Variants in HPSE2 observed in about 807,000 individuals in gnomAD.
The protein encoded by HPSE2 is heparanase 2 (inactive), also known as inactive heparanase-2.
A neutral mutation model predicts 60.5 loss-of-function variants in HPSE2; 38 were observed. The ratio of observed to expected loss-of-function variants is 0.63; its 90% CI spans 0.48 to 0.82. The LOEUF is 0.82. Ranked by LOEUF, HPSE2 falls within the 40% of genes least tolerant of loss-of-function variation. HPSE2 has a pLI of 0.00. For missense variants in HPSE2, 713 were observed against 740.4 expected (o/e 0.96, Z 0.43); for synonymous variants, 295 against 293.2 (o/e 1.01, Z -0.06).
intron 9 of HPSE2, among the ~76,000 whole-genome samples, chr10:98,585,492 A>G (rs11189696): frequency 0.56 from 83,521 of 150,220 alleles, 23,332 homozygotes; most frequent in Admixed American, 0.6. Flanking sequence ...GGATGGTCTC[A>G]ATCTCTTGAC....
At chr10:98,461,160 T>A (rs147124655) in intron 11 of HPSE2, among the ~76,000 whole-genome samples, 13 of 152,384 alleles carry the variant, frequency 8.5e-5, no homozygotes, top group African/African-American at 3.1e-4. Context: ...TAGAGAGAGA[T>A]AATCAGACCC....
chr10:98,528,173 A>C (rs369915472), intron 9 of HPSE2, among the ~76,000 whole-genome samples: 1 of 152,138 alleles, frequency 6.6e-6, no homozygotes, highest in East Asian at 1.9e-4. Flanking sequence ...TCTGTCTTCT[A>C]GATCCCGAAT....
At chr10:98,778,282 G>GAGAGAGAGAGAGAGAA (rs1950389095) in intron 3 of HPSE2, among the ~76,000 whole-genome samples, 1 of 151,142 alleles carries the variant, frequency 6.6e-6, no homozygotes, top group African/African-American at 2.4e-5. Context: ...GAGAGAGAGA[G>GAGAGAGAGAGAGAGAA]AGAGAGAGAG....
At chr10:98,947,109 C>T (rs1427558471) in intron 3 of HPSE2, among the ~76,000 whole-genome samples, 1 of 152,012 alleles carries the variant, frequency 6.6e-6, no homozygotes, top group Non-Finnish European at 1.5e-5. Flanking sequence ...TTGAGGTTTG[C>T]AGCTGTGATG....
At chr10:98,761,487 C>G in intron 3 of HPSE2, among the ~76,000 whole-genome samples, 1 of 152,030 alleles carries the variant, frequency 6.6e-6, no homozygotes, top group Non-Finnish European at 1.5e-5. Flanking sequence ...TAAGATCTTT[C>G]TTTTTTCTTA....
intron 3 of HPSE2, among the ~76,000 whole-genome samples, chr10:99,085,449 A>C (rs1349760182): frequency 6.6e-6 from 1 of 152,138 alleles, no homozygotes; most frequent in Non-Finnish European, 1.5e-5. Context: ...GAAGATAAGA[A>C]CTGAAAGCTG....
At chr10:99,075,773 A>G (rs1055076739) in intron 3 of HPSE2, among the ~76,000 whole-genome samples, 3 of 152,116 alleles carry the variant, frequency 2.0e-5, no homozygotes, top group Admixed American at 2.0e-4. Context: ...TTATTATTAT[A>G]TAACATCTTT....
chr10:98,838,450 G>A (rs188363556), intron 3 of HPSE2, among the ~76,000 whole-genome samples: 1 of 149,738 alleles, frequency 6.7e-6, no homozygotes. Flanking sequence ...GAATAATCCA[G>A]GCCTGATTCA....
intron 9 of HPSE2, among the ~76,000 whole-genome samples, chr10:98,525,241 CCT>C (rs1942928172): frequency 3.3e-5 from 5 of 152,194 alleles, no homozygotes; most frequent in Admixed American, 2.6e-4. Flanking sequence ...GAACTCCTGA[CCT>C]CAGGAAATCT....
At chr10:98,700,002 C>T (rs191390100) in intron 5 of HPSE2, among the ~76,000 whole-genome samples, 39 of 151,430 alleles carry the variant, frequency 2.6e-4, no homozygotes, top group African/African-American at 8.7e-4. Context: ...AGGATGCAAA[C>T]GAATGGAAGA....
intron 3 of HPSE2, among the ~76,000 whole-genome samples, chr10:98,972,310 T>C (rs964209685): frequency 6.6e-6 from 1 of 152,090 alleles, no homozygotes; most frequent in Non-Finnish European, 1.5e-5. Flanking sequence ...ATTACAGACA[T>C]AGCAAAAATA....
chr10:98,501,996 T>G (rs1225290677), intron 9 of HPSE2, among the ~76,000 whole-genome samples: 3 of 148,430 alleles, frequency 2.0e-5, no homozygotes, highest in Non-Finnish European at 4.5e-5. Context: ...ACCAAGGAAG[T>G]GAAAGACCTC....
chr10:98,772,283 T>G (rs1392814204), intron 3 of HPSE2, among the ~76,000 whole-genome samples: 3 of 151,996 alleles, frequency 2.0e-5, no homozygotes, highest in Admixed American at 2.0e-4. Context: ...ACTACATGAG[T>G]GTTAGTTAAC....
At chr10:98,698,502 G>A (rs1286443416) in intron 5 of HPSE2, among the ~76,000 whole-genome samples, 1 of 151,854 alleles carries the variant, frequency 6.6e-6, no homozygotes, top group Non-Finnish European at 1.5e-5. Flanking sequence ...TGTGAAGAGG[G>A]AAATTTATAG....
At chr10:98,860,754 A>T (rs1952439254) in intron 3 of HPSE2, among the ~76,000 whole-genome samples, 1 of 152,188 alleles carries the variant, frequency 6.6e-6, no homozygotes, top group African/African-American at 2.4e-5. Context: ...AGGCCTAATT[A>T]AAATGCCAAT....
At chr10:98,953,326 T>C (rs1302674470) in intron 3 of HPSE2, among the ~76,000 whole-genome samples, 1 of 152,158 alleles carries the variant, frequency 6.6e-6, no homozygotes, top group Admixed American at 6.6e-5. Flanking sequence ...CTTGGCCTTA[T>C]CCCACACTGC....
At chr10:99,035,568 T>G (rs1389715934) in intron 3 of HPSE2, among the ~76,000 whole-genome samples, 1 of 152,218 alleles carries the variant, frequency 6.6e-6, no homozygotes, top group Non-Finnish European at 1.5e-5. Context: ...AACATAATCA[T>G]TTATTATCAT....
intron 3 of HPSE2, among the ~76,000 whole-genome samples, chr10:98,912,348 A>G (rs1263278736): frequency 2.0e-5 from 3 of 152,106 alleles, no homozygotes; most frequent in Admixed American, 6.6e-5. Context: ...TCTTTCTTAT[A>G]TTTCTTCTAC....
chr10:98,945,770 C>T (rs753658880), intron 3 of HPSE2, among the ~76,000 whole-genome samples: 1 of 152,136 alleles, frequency 6.6e-6, no homozygotes, highest in Non-Finnish European at 1.5e-5. Flanking sequence ...CTTATCAAAA[C>T]TCCTTTAGAG....
Sources: allele counts gnomAD v4.1 joint callset (sites outside exome capture counted in the v4.1 genomes callset), GRCh38; gene constraint gnomAD v4.1.1; transcripts MANE v1.5; gene names NCBI Gene and HGNC (gene_info 2026-07-23, HGNC 2026-07-21).